The following NALF1 variants were observed in gnomAD, a reference collection of about 807,000 sequenced individuals.
NALF1 encodes the protein NALCN channel auxiliary factor 1.
A neutral mutation model predicts 48.4 loss-of-function variants in NALF1; 3 were observed. The observed-to-expected ratio is 0.06, with a 90% CI of 0.03 to 0.16. The LOEUF is 0.16. NALF1 is among the 10% of genes least tolerant of loss of function. The pLI, the probability that NALF1 is intolerant of heterozygous loss-of-function variation, is 1.00. For synonymous variants in NALF1, 262 were observed against 245.7 expected, an observed-to-expected ratio of 1.07 and a Z score of -0.62; for missense variants, 526 against 571.5, an observed-to-expected ratio of 0.92 and a Z score of 0.81.
chr13:107,527,467 T>C (rs1876484098), intron 1 of NALF1, among the ~76,000 whole-genome samples: 1 of 151,572 alleles, frequency 6.6e-6, no homozygotes, highest in Admixed American at 6.6e-5. Flanking sequence ...CGCATATGCA[T>C]GGGGCATGCA....
chr13:107,790,688 G>C (rs909304383), intron 1 of NALF1, among the ~76,000 whole-genome samples: 1 of 152,174 alleles, frequency 6.6e-6, no homozygotes, highest in Non-Finnish European at 1.5e-5. Context: ...AGAAGCAGCT[G>C]TTTCACCATG....
chr13:107,663,863 A>T (rs1167845215), intron 1 of NALF1, among the ~76,000 whole-genome samples: 1 of 152,060 alleles, frequency 6.6e-6, no homozygotes, highest in Non-Finnish European at 1.5e-5. Context: ...CACTTCAGGT[A>T]CTTTTGCTCA....
At chr13:107,695,284 T>C (rs1300670561) in intron 1 of NALF1, among the ~76,000 whole-genome samples, 3 of 152,142 alleles carry the variant, frequency 2.0e-5, no homozygotes, top group African/African-American at 4.8e-5. Context: ...CTCCAGAGAG[T>C]TGACAGACAG....
Position 107,168,655 on chromosome 13 carries a change from T to C in NALF1, c.*1842A>G, listed in dbSNP as rs1053697195. 1 of 152,644 alleles carries C rather than the reference T, an allele frequency of 6.6e-6. No individual in the cohort carries two copies. The highest frequency in any genetic ancestry group is 2.4e-5 in the African/African-American group (1 of 41,456). The allele number at this position is 152,644 out of a possible 1,614,324, so 9.5% of individuals were successfully genotyped here. ...TTGTGCATGTACTGCTAAACAATTC[T>C]AGCAATTTTATTAAGCAATACCTTT... On this transcript the variant is annotated 3_prime_UTR_variant, in exon 3 of 3. Coordinates refer to ENST00000375915, the MANE Select transcript of NALF1 (RefSeq NM_001080396.3).
chr13:107,849,948 T>C (rs1353909922), intron 1 of NALF1, among the ~76,000 whole-genome samples: 1 of 152,228 alleles, frequency 6.6e-6, no homozygotes, highest in African/African-American at 2.4e-5. Flanking sequence ...GAAATTGTCT[T>C]CAGGCTAATA....
At chr13:107,186,656 A>G (rs1566444904) in intron 2 of NALF1, among the ~76,000 whole-genome samples, 1 of 152,144 alleles carries the variant, frequency 6.6e-6, no homozygotes, top group East Asian at 1.9e-4. Flanking sequence ...GTGAGCCACC[A>G]TGCCCGGCCC....
intron 1 of NALF1, among the ~76,000 whole-genome samples, chr13:107,428,438 T>A (rs1884317318): frequency 6.6e-6 from 1 of 152,150 alleles, no homozygotes; most frequent in Non-Finnish European, 1.5e-5. Flanking sequence ...CATTAACATA[T>A]CTGTAAAAAG....
At chr13:107,319,282 C>T (rs970510834) in intron 1 of NALF1, among the ~76,000 whole-genome samples, 46 of 152,108 alleles carry the variant, frequency 3.0e-4, no homozygotes, top group African/African-American at 8.9e-4. Flanking sequence ...GACAGAAGAA[C>T]GCTGTGATTA....
Position 107,422,523 on chromosome 13 carries a change from C to T in NALF1, c.916-211768G>A, listed in dbSNP as rs140036430. Among the ~76,000 whole-genome samples, 635 of 152,110 alleles carry T rather than the reference C, an allele frequency of 4.2e-3. 6 individuals carry two copies. The highest frequency in any genetic ancestry group is 0.015 in the African/African-American group (603 of 41,496). On this transcript the variant is annotated intron_variant, in intron 1 of 2. Coordinates refer to ENST00000375915, the MANE Select transcript of NALF1 (RefSeq NM_001080396.3). ...TCATCACATTCAGGACATTGATGGG[C>T]CCAAGTAGGGTCGGTTATTTTTACA... is the stretch of plus-strand genomic sequence containing the variant.
At chr13:107,766,066 C>T (rs933936875) in intron 1 of NALF1, among the ~76,000 whole-genome samples, 4 of 152,086 alleles carry the variant, frequency 2.6e-5, no homozygotes, top group East Asian at 1.9e-4. Flanking sequence ...ATAGGTCCAT[C>T]GAAGGCAACC....
chr13:107,356,967 T>C (rs1277922573), intron 1 of NALF1, among the ~76,000 whole-genome samples: 2 of 152,188 alleles, frequency 1.3e-5, no homozygotes, highest in African/African-American at 4.8e-5. Flanking sequence ...CATTCTACTG[T>C]TGCAACAAAC....
At chr13:107,267,541 C>T (rs1566469331) in intron 1 of NALF1, among the ~76,000 whole-genome samples, 1 of 152,060 alleles carries the variant, frequency 6.6e-6, no homozygotes, top group South Asian at 2.1e-4. Context: ...CCTGTCTATG[C>T]TAAAAAAAAT....
chr13:107,660,227 C>CAA (rs1880691190), intron 1 of NALF1, among the ~76,000 whole-genome samples: 1 of 151,260 alleles, frequency 6.6e-6, no homozygotes, highest in African/African-American at 2.4e-5. Flanking sequence ...ATCACGAGGT[C>CAA]AAGAGATCAA....
chr13:107,300,978 C>T (rs1289235067), intron 1 of NALF1, among the ~76,000 whole-genome samples: 1 of 152,266 alleles, frequency 6.6e-6, no homozygotes, highest in East Asian at 1.9e-4. Flanking sequence ...ATTCTTAAAT[C>T]TATCAGGTTA....
At chr13:107,769,856 A>T (rs1416548823) in intron 1 of NALF1, among the ~76,000 whole-genome samples, 1 of 152,166 alleles carries the variant, frequency 6.6e-6, no homozygotes, top group East Asian at 1.9e-4. Flanking sequence ...GAATTCCATC[A>T]ATATACATCC....
chr13:107,518,651 C>T (rs1013333494), intron 1 of NALF1, among the ~76,000 whole-genome samples: 2 of 152,080 alleles, frequency 1.3e-5, no homozygotes, highest in African/African-American at 4.8e-5. Context: ...TACACATAAA[C>T]ATGATGGATG....
chr13:107,642,097 C>T (rs9520536), intron 1 of NALF1, among the ~76,000 whole-genome samples: 42,880 of 151,972 alleles, frequency 0.28, 6,485 homozygotes, highest in East Asian at 0.48. Context: ...AGCATCTCCC[C>T]GACCCACTGG....
At chr13:107,702,334 C>A (rs1881843028) in intron 1 of NALF1, among the ~76,000 whole-genome samples, 1 of 152,006 alleles carries the variant, frequency 6.6e-6, no homozygotes, top group African/African-American at 2.4e-5. Context: ...TATTACAAAC[C>A]TTTTTATGAA....
At chr13:107,470,716 T>C (rs79018343) in intron 1 of NALF1, among the ~76,000 whole-genome samples, 6,275 of 152,256 alleles carry the variant, frequency 0.041, 183 homozygotes, top group Non-Finnish European at 0.061. Flanking sequence ...GATGAAGACA[T>C]GAAAAAATAT....
Sources: allele counts gnomAD v4.1 joint callset (sites outside exome capture counted in the v4.1 genomes callset), GRCh38; gene constraint gnomAD v4.1.1; transcripts MANE v1.5; gene names NCBI Gene and HGNC (gene_info 2026-07-23, HGNC 2026-07-21).